TKTL1: variants seen among roughly 807,000 people sequenced by gnomAD.
TKTL1 encodes transketolase like 1.
Under a neutral mutation model 39.3 loss-of-function variants are expected in TKTL1, and 1 was observed. The observed-to-expected ratio is 0.03, with a 90% confidence interval of 0.01 to 0.12. TKTL1 has a LOEUF of 0.12. Among genes scored for constraint, TKTL1 ranks in the 10% least tolerant of loss-of-function variants. The pLI is 1.00. For synonymous variants in TKTL1, 262 were observed against 193.8 expected (o/e 1.35, Z -2.92); for missense variants, 575 against 509.6 (o/e 1.13, Z -1.24).
intron 7 of TKTL1, 88 bp from the exon 8 acceptor site, chrX:154,320,669 A>G (rs1278054951): frequency 5.3e-6 from 5 of 947,748 alleles, no homozygotes; most frequent in Non-Finnish European, 6.0e-6. Context: ...CAGCAGGTGC[A>G]GAATGGGAGT....
chrX:154,328,541 G>T (rs2067510955), intron 12 of TKTL1, among the ~76,000 whole-genome samples: 1 of 34,423 alleles, frequency 2.9e-5, no homozygotes, highest in African/African-American at 8.9e-5. Context: ...GTGAGACTCT[G>T]CCTCAAAAAA....
Position 154,312,559 on chromosome X carries a change from CTT to C in TKTL1, c.671-18_671-17del. 8.4e-7 allele frequency: 1 copy of C among 1,194,402 alleles called. No homozygotes were observed. Among genetic ancestry groups the C allele is most frequent in the South Asian group, 1.8e-5 (1 of 54,656 alleles). On this transcript the variant is annotated intron_variant, in intron 5 of 12. Transcript: ENST00000369915. ...CACTAAATATTTATGGAATGGATGT[CTT>C]TTGTTTGTTTCATTACAGGTATTGA... is the stretch of plus-strand genomic sequence containing the variant.
chrX:154,300,923 A>T (rs1415189589), intron 1 of TKTL1, among the ~76,000 whole-genome samples: 2 of 109,148 alleles, frequency 1.8e-5, no homozygotes, highest in Non-Finnish European at 3.8e-5. Context: ...TTGAACTCCT[A>T]ACCTCAGGTG....
At position 154,315,162 on chromosome X, in the gene TKTL1, C is replaced by CT; in HGVS notation, c.865-10dup. The CT allele has an allele frequency of 8.3e-7, 1 of 1,205,931 alleles. No individual in the cohort carries two copies. The highest frequency in any genetic ancestry group is 1.1e-6 in the Non-Finnish European group (1 of 892,009). On this transcript the variant is annotated splice_polypyrimidine_tract_variant and intron_variant, in intron 6 of 12. Transcript: ENST00000369915. ...AAGAAACTCTACCACCTGATTGTCT[C>CT]TGTCTTCTAGATAGCTACTCGGAAA...
chrX:154,325,272 C>T lies in TKTL1; in HGVS notation c.1318-67C>T, dbSNP rs964790513. On this transcript the variant is annotated intron_variant, in intron 9 of 12. Transcript: ENST00000369915. ...TCCTCTTCACACCCCTCCTTCACTT[C>T]TTTCAACGTCTGTTGTTGGAAATTC... is the stretch of plus-strand genomic sequence containing the variant. The T allele has an allele frequency of 9.5e-6, 10 of 1,053,806 alleles. No individual in the cohort carries two copies. The African/African-American group carries it at 1.7e-4, about 18-fold the overall frequency. The allele number at this position is 1,053,806 out of a possible 1,213,427, so 86.8% of individuals were successfully genotyped here.
intron 6 of TKTL1, among the ~76,000 whole-genome samples, chrX:154,314,784 C>G (rs1190144274): frequency 1.8e-5 from 2 of 111,137 alleles, no homozygotes; most frequent in Non-Finnish European, 3.8e-5. Context: ...CTCAGCCTCC[C>G]AAAATGCTGG....
intron 9 of TKTL1, 93 bp downstream of exon 9, chrX:154,323,430 A>G: frequency 1.0e-6 from 1 of 990,741 alleles, no homozygotes; most frequent in African/African-American, 1.9e-5. Context: ...CTCAACATAA[A>G]AGTGATATTC....
chrX:154,305,217 C>T (rs5987239), intron 1 of TKTL1, 87 bp from the exon 2 acceptor site: 12 of 1,178,519 alleles, frequency 1.0e-5, no homozygotes, highest in Non-Finnish European at 1.4e-5. Context: ...GAGAAATGAC[C>T]GCTTCTATGA....
chrX:154,307,882 G>C (rs782708348), intron 2 of TKTL1, among the ~76,000 whole-genome samples: 5 of 111,987 alleles, frequency 4.5e-5, no homozygotes, highest in Non-Finnish European at 7.5e-5. Context: ...GTTCTGCTGG[G>C]CTGGAAATGC....
At chrX:154,323,397 T>A (rs1183070901) in intron 9 of TKTL1, 60 bp downstream of exon 9, 21 of 1,133,507 alleles carry the variant, frequency 1.9e-5, no homozygotes, top group Non-Finnish European at 2.5e-5. Flanking sequence ...GCTAGTTTCA[T>A]ACTGATGATT....
At chrX:154,298,002 CG>C (rs1456880672) in intron 1 of TKTL1, among the ~76,000 whole-genome samples, 1 of 111,257 alleles carries the variant, frequency 9.0e-6, no homozygotes, top group African/African-American at 3.3e-5. Flanking sequence ...ATTTATTGGG[CG>C]TTTTTTTTAT....
Position 154,305,371 on chromosome X carries a change from A to G in TKTL1, c.202A>G (p.Lys68Glu), listed in dbSNP as rs781991070. 13 of 1,210,665 alleles carry G rather than the reference A, an allele frequency of 1.1e-5. No homozygotes were observed. Among genetic ancestry groups the G allele is most frequent in the South Asian group, 5.3e-5 (3 of 56,941 alleles). Residue 68 changes from lysine to glutamate, a missense_variant, in exon 2 of 13, where the codon AAG (lysine) becomes GAG (glutamate). Lys to Glu is a moderately conservative substitution (Grantham distance 56). Coordinates refer to ENST00000369915, the MANE Select transcript of TKTL1 (RefSeq NM_012253.4). ...SVLFFYIMRY[K>E]QSDPENPDND... The stretch of plus-strand genomic sequence containing the variant: ...GCTGTTCTTCTACATCATGAGGTAC[A>G]AGCAGTCAGATCCAGAGAATCCGGA...
At chrX:154,320,594 C>T (rs1440181707) in intron 7 of TKTL1, 163 bp from the exon 8 acceptor site, 5 of 529,815 alleles carry the variant, frequency 9.4e-6, no homozygotes, top group East Asian at 3.4e-5. Context: ...GAGGGACGGA[C>T]GGGTGCCCAG....
chrX:154,299,913 C>T (rs782249230), intron 1 of TKTL1, among the ~76,000 whole-genome samples: 3 of 111,643 alleles, frequency 2.7e-5, no homozygotes, highest in Non-Finnish European at 5.6e-5. Flanking sequence ...TGTGCATGTA[C>T]CTTTTTCATA....
At chrX:154,316,024 A>G (rs1557169306) in intron 7 of TKTL1, among the ~76,000 whole-genome samples, 1 of 112,005 alleles carries the variant, frequency 8.9e-6, no homozygotes. Flanking sequence ...AGAAAACCAC[A>G]GGCCAGCAGG....
chrX:154,324,420 A>G lies in TKTL1; in HGVS notation c.1318-919A>G, dbSNP rs781981878. ...CTCCCAAAGTGCAGGGATTATAGGC[A>G]TGAGCCACCGCACCTGGCCAATTGT... On this transcript the variant is annotated intron_variant, in intron 9 of 12. Transcript: ENST00000369915. 1.5e-4 allele frequency among the ~76,000 whole-genome samples: 17 copies of G among 112,889 alleles called. 1 individual carries two copies. Among genetic ancestry groups the G allele is most frequent in the Admixed American group, 3.7e-4 (4 of 10,696 alleles).
At chrX:154,317,049 T>G (rs1279249763) in intron 7 of TKTL1, among the ~76,000 whole-genome samples, 1 of 111,161 alleles carries the variant, frequency 9.0e-6, no homozygotes, top group African/African-American at 3.3e-5. Context: ...GGATTACAGG[T>G]GTGAGCCCCC....
intron 1 of TKTL1, among the ~76,000 whole-genome samples, chrX:154,296,850 A>G (rs1223016248): frequency 3.6e-5 from 4 of 111,582 alleles, no homozygotes; most frequent in African/African-American, 1.3e-4. Context: ...GAACCTCTGT[A>G]CAAAATGTTA....
Position 154,309,509 on chromosome X carries a change from G to A in TKTL1, c.350+67G>A, listed in dbSNP as rs1439950386. 20 of 929,189 alleles carry A rather than the reference G, an allele frequency of 2.2e-5. No homozygotes were observed. In the Admixed American group the frequency reaches 4.5e-4, roughly 21 times the overall value. 76.6% of individuals were successfully genotyped at this position (929,189 alleles called of 1,213,427 possible). A position where few individuals can be genotyped will look rare whatever the true frequency, so the allele number is the denominator to read the frequency against. The stretch of plus-strand genomic sequence containing the variant: ...ACATCCCCTTCCTAGAGTCTCGGGG[G>A]GCAGCCACCTATCTCCGTGATGTGG... On this transcript the variant is annotated intron_variant, in intron 3 of 12. Transcript: ENST00000369915.
Sources: gnomAD v4.1 joint callset for allele counts (sites outside exome capture counted in the v4.1 genomes callset) on GRCh38, gnomAD v4.1.1 for gene constraint, MANE v1.5 for transcripts, NCBI Gene and HGNC (gene_info 2026-07-23, HGNC 2026-07-21) for gene names.